Variants in HPSE2 observed in about 807,000 individuals in gnomAD.
HPSE2 encodes the protein heparanase 2 (inactive), also known as inactive heparanase-2.
A neutral mutation model predicts 60.5 loss-of-function variants in HPSE2; 38 were observed. The observed-to-expected ratio is 0.63, with a 90% CI of 0.48 to 0.82. The LOEUF (loss-of-function observed/expected upper bound fraction) is 0.82, where lower values mean the gene tolerates loss of function less well. HPSE2 is among the 40% of genes least tolerant of loss of function. The pLI, the probability that HPSE2 is intolerant of heterozygous loss-of-function variation, is 0.00. For missense variants in HPSE2, 713 were observed against 740.4 expected (o/e 0.96, Z 0.43); for synonymous variants, 295 against 293.2 (o/e 1.01, Z -0.06).
At chr10:98,835,773 T>C (rs190959705) in intron 3 of HPSE2, among the ~76,000 whole-genome samples, 17 of 152,334 alleles carry the variant, frequency 1.1e-4, no homozygotes, top group Non-Finnish European at 2.4e-4. Flanking sequence ...ACTAGCTATA[T>C]GCCTCTCAAG....
chr10:98,905,384 C>A (rs1291339968), intron 3 of HPSE2, among the ~76,000 whole-genome samples: 2 of 147,618 alleles, frequency 1.4e-5, no homozygotes, highest in Non-Finnish European at 3.0e-5. Flanking sequence ...TTGTTCAATT[C>A]CCACCCATGA....
intron 3 of HPSE2, among the ~76,000 whole-genome samples, chr10:98,900,881 T>C (rs1360031630): frequency 6.6e-6 from 1 of 152,198 alleles, no homozygotes; most frequent in Non-Finnish European, 1.5e-5. Context: ...AACACATATG[T>C]ACATATAAAA....
At chr10:98,609,529 A>G (rs980327239) in intron 9 of HPSE2, among the ~76,000 whole-genome samples, 2 of 152,226 alleles carry the variant, frequency 1.3e-5, no homozygotes, top group Non-Finnish European at 2.9e-5. Flanking sequence ...ACTGCCTGTA[A>G]TCTTACCACC....
chr10:98,829,312 G>A (rs938867276), intron 3 of HPSE2, among the ~76,000 whole-genome samples: 3 of 152,022 alleles, frequency 2.0e-5, no homozygotes, highest in African/African-American at 4.8e-5. Context: ...GGTGGATCAC[G>A]AGGTCAGGAG....
upstream of HPSE2, chr10:99,236,005 T>C (rs1423604181): frequency 2.1e-6 from 1 of 469,740 alleles, no homozygotes; most frequent in Non-Finnish European, 3.7e-6. Context: ...TTTTCTTTTT[T>C]TTTTTTAATT....
chr10:98,790,366 T>C (rs1950628610), intron 3 of HPSE2, among the ~76,000 whole-genome samples: 2 of 152,192 alleles, frequency 1.3e-5, no homozygotes, highest in South Asian at 2.1e-4. Context: ...GAGGGCATTA[T>C]GCTAAGTGAA....
intron 3 of HPSE2, among the ~76,000 whole-genome samples, chr10:98,751,767 G>A (rs1324506058): frequency 6.6e-6 from 1 of 152,146 alleles, no homozygotes; most frequent in East Asian, 1.9e-4. Context: ...GTTCCCCAAG[G>A]GGGAAAAACA....
chr10:99,207,831 CA>C lies in HPSE2; in HGVS notation c.448+24516del, dbSNP rs532056099. Among the ~76,000 whole-genome samples, 399 of 151,904 alleles carry C rather than the reference CA, an allele frequency of 2.6e-3. 2 individuals are homozygous for C. The highest frequency in any genetic ancestry group is 9.3e-3 in the African/African-American group (384 of 41,484). On this transcript the variant is annotated intron_variant, in intron 2 of 11. Coordinates refer to ENST00000370552, the MANE Select transcript of HPSE2 (RefSeq NM_021828.5). ...CCCCCCACCTTATTCACAAGGGATA[CA>C]GTTCAAGATCCCCAGTAGATGCCTG...
intron 5 of HPSE2, among the ~76,000 whole-genome samples, chr10:98,704,834 C>G (rs1427630107): frequency 6.6e-6 from 1 of 152,146 alleles, no homozygotes; most frequent in Admixed American, 6.5e-5. Flanking sequence ...CAATATCATT[C>G]AGGACATAGG....
intron 3 of HPSE2, among the ~76,000 whole-genome samples, chr10:98,800,889 C>T (rs887060818): frequency 6.6e-6 from 1 of 152,082 alleles, no homozygotes; most frequent in African/African-American, 2.4e-5. Context: ...GCTAGTGATA[C>T]CCTGATAGCT....
chr10:98,844,758 C>A (rs967327785), intron 3 of HPSE2, among the ~76,000 whole-genome samples: 1 of 152,124 alleles, frequency 6.6e-6, no homozygotes, highest in African/African-American at 2.4e-5. Context: ...ATTACATACA[C>A]GTTTCTAATA....
At chr10:99,299,284 T>C in the HPSE2 span, among the ~76,000 whole-genome samples, 1 of 152,218 alleles carries the variant, frequency 6.6e-6, no homozygotes, top group Non-Finnish European at 1.5e-5. Context: ...CCAGTACTAC[T>C]AGGAGTGGGG....
intron 3 of HPSE2, among the ~76,000 whole-genome samples, chr10:98,767,183 GC>G (rs1950138892): frequency 1.3e-5 from 2 of 152,236 alleles, no homozygotes; most frequent in Admixed American, 6.5e-5. Context: ...CTCCAGAGAA[GC>G]TTTTTCACTT....
At chr10:98,795,018 G>GAGAA (rs1174185441) in intron 3 of HPSE2, among the ~76,000 whole-genome samples, 3 of 29,212 alleles carry the variant, frequency 1.0e-4, no homozygotes, top group African/African-American at 1.4e-4. Context: ...GAGAGAGAGA[G>GAGAA]AGAAGGAAGG....
intron 3 of HPSE2, among the ~76,000 whole-genome samples, chr10:98,827,781 C>A (rs1303545777): frequency 6.6e-6 from 1 of 152,166 alleles, no homozygotes; most frequent in Non-Finnish European, 1.5e-5. Flanking sequence ...ACATATCCGA[C>A]CACTATTATT....
At chr10:99,108,497 A>C (rs1158761755) in intron 3 of HPSE2, among the ~76,000 whole-genome samples, 2 of 152,172 alleles carry the variant, frequency 1.3e-5, no homozygotes, top group Non-Finnish European at 2.9e-5. Context: ...TTTCATGGCT[A>C]ACTTATTTTA....
At chr10:98,641,317 C>T (rs1018164516) in intron 7 of HPSE2, among the ~76,000 whole-genome samples, 2 of 152,150 alleles carry the variant, frequency 1.3e-5, no homozygotes, top group African/African-American at 2.4e-5. Flanking sequence ...TCAGGCACAG[C>T]GGCTCACACC....
At chr10:99,234,529 T>C (rs1264696366) in intron 1 of HPSE2, among the ~76,000 whole-genome samples, 1 of 152,204 alleles carries the variant, frequency 6.6e-6, no homozygotes, top group Non-Finnish European at 1.5e-5. Flanking sequence ...ACACTTGGAT[T>C]CGACATTGCA....
chr10:98,525,303 G>A (rs184519337), intron 9 of HPSE2, among the ~76,000 whole-genome samples: 57 of 152,330 alleles, frequency 3.7e-4, no homozygotes, highest in South Asian at 2.1e-4. Flanking sequence ...GAGCCACTGC[G>A]CTGGGCCTAA....
Sources: allele counts gnomAD v4.1 joint callset (sites outside exome capture counted in the v4.1 genomes callset), GRCh38; gene constraint gnomAD v4.1.1; transcripts MANE v1.5; gene names NCBI Gene and HGNC (gene_info 2026-07-23, HGNC 2026-07-21).